Variants in TBXAS1 observed in about 807,000 individuals in gnomAD.
TBXAS1 encodes thromboxane A synthase 1, also known as thromboxane-A synthase.
TBXAS1 carries 48 observed loss-of-function variants against 60.7 expected under a neutral mutation model. The ratio of observed to expected loss-of-function variants is 0.79; its 90% CI spans 0.63 to 1.01. The LOEUF is 1.01. Ranked by LOEUF, TBXAS1 falls within the 50% of genes least tolerant of loss-of-function variation. The probability of loss-of-function intolerance (pLI) is 0.00; values close to 1 mark genes in which losing one functional copy is unlikely to be tolerated. For synonymous variants in TBXAS1, 287 were observed against 269.7 expected (o/e 1.06, Z -0.63); for missense variants, 685 against 686.3 (o/e 1.00, Z 0.02).
intron 4 of TBXAS1, among the ~76,000 whole-genome samples, chr7:139,800,364 G>A (rs778618207): frequency 6.6e-6 from 1 of 151,916 alleles, no homozygotes; most frequent in Non-Finnish European, 1.5e-5. Context: ...ATCTCAGCAC[G>A]TTTCCACCTC....
chr7:139,987,541 C>T (rs563213630), intron 9 of TBXAS1, among the ~76,000 whole-genome samples: 45 of 152,286 alleles, frequency 3.0e-4, no homozygotes, highest in South Asian at 1.0e-3. Context: ...TGCAGGAGCA[C>T]GCAGGACTAA....
chr7:139,824,493 C>T (rs959037057), upstream of TBXAS1, among the ~76,000 whole-genome samples: 1 of 152,208 alleles, frequency 6.6e-6, no homozygotes, highest in Non-Finnish European at 1.5e-5. Context: ...TTGGAAACAA[C>T]TCGAATGCTG....
intron 9 of TBXAS1, among the ~76,000 whole-genome samples, chr7:139,972,895 A>G (rs1208225707): frequency 1.3e-5 from 2 of 151,822 alleles, no homozygotes; most frequent in African/African-American, 4.8e-5. Context: ...AAGTTATTTC[A>G]CTCTTCCTTT....
At chr7:139,991,943 T>C (rs1331479607) in intron 9 of TBXAS1, among the ~76,000 whole-genome samples, 1 of 152,192 alleles carries the variant, frequency 6.6e-6, no homozygotes, top group Admixed American at 6.5e-5. Context: ...CCCTTCCCAT[T>C]CCCTGAGAGA....
chr7:139,941,085 C>A (rs200639320), intron 5 of TBXAS1, among the ~76,000 whole-genome samples: 1 of 152,206 alleles, frequency 6.6e-6, no homozygotes, highest in South Asian at 2.1e-4. Flanking sequence ...CACAGATACT[C>A]GGCTGTGGGT....
At chr7:139,832,409 A>G (rs1798768719) in intron 1 of TBXAS1, among the ~76,000 whole-genome samples, 1 of 75,472 alleles carries the variant, frequency 1.3e-5, no homozygotes, top group African/African-American at 1.3e-4. Flanking sequence ...CAACAAAGAC[A>G]AAGAAAAAAA....
intron 5 of TBXAS1, among the ~76,000 whole-genome samples, chr7:139,941,015 T>G (rs1273669171): frequency 6.6e-6 from 1 of 151,980 alleles, no homozygotes; most frequent in Non-Finnish European, 1.5e-5. Flanking sequence ...ATACAAAAAG[T>G]CACAGACACA....
intron 3 of TBXAS1, among the ~76,000 whole-genome samples, chr7:139,902,448 C>G (rs936221348): frequency 2.0e-5 from 3 of 152,078 alleles, no homozygotes; most frequent in Non-Finnish European, 4.4e-5. Context: ...ATAGCTTGTT[C>G]TTTTTTAAAT....
At chr7:139,817,584 A>T (rs1798183773) in intron 4 of TBXAS1, among the ~76,000 whole-genome samples, 3 of 152,190 alleles carry the variant, frequency 2.0e-5, no homozygotes. Context: ...GGGTGTCCAG[A>T]GGACGCAGCT....
chr7:140,001,850 C>T (rs1813695484), intron 9 of TBXAS1, among the ~76,000 whole-genome samples: 1 of 152,186 alleles, frequency 6.6e-6, no homozygotes, highest in African/African-American at 2.4e-5. Context: ...TGAACAAGGC[C>T]ATCCACTTTT....
intron 3 of TBXAS1, among the ~76,000 whole-genome samples, chr7:139,902,783 T>C (rs943643890): frequency 6.6e-6 from 1 of 152,176 alleles, no homozygotes; most frequent in Non-Finnish European, 1.5e-5. Flanking sequence ...ACTATTCTTT[T>C]AAAATTTTAG....
chr7:139,898,599 C>T (rs1433228559), intron 3 of TBXAS1, among the ~76,000 whole-genome samples: 1 of 152,026 alleles, frequency 6.6e-6, no homozygotes, highest in Non-Finnish European at 1.5e-5. Flanking sequence ...GCGTGAGCCA[C>T]TACGCCCGGC....
intron 4 of TBXAS1, among the ~76,000 whole-genome samples, chr7:139,812,565 G>T (rs1367556039): frequency 6.6e-6 from 1 of 152,170 alleles, no homozygotes; most frequent in African/African-American, 2.4e-5. Context: ...CCTAATTAAA[G>T]ACAGTACTCT....
chr7:139,913,503 C>T (rs1408889548), intron 4 of TBXAS1: 1 of 263,424 alleles, frequency 3.8e-6, no homozygotes, highest in African/African-American at 2.1e-5. Flanking sequence ...CATATTTCCT[C>T]CCATGATACC....
At chr7:139,802,884 A>G (rs1797757383) in intron 4 of TBXAS1, among the ~76,000 whole-genome samples, 1 of 152,196 alleles carries the variant, frequency 6.6e-6, no homozygotes, top group South Asian at 2.1e-4. Flanking sequence ...CTGCCATGTA[A>G]GATGTGCTCC....
At chr7:139,840,014 T>G (rs1585598967) in intron 1 of TBXAS1, among the ~76,000 whole-genome samples, 1 of 148,964 alleles carries the variant, frequency 6.7e-6, no homozygotes, top group East Asian at 2.0e-4. Flanking sequence ...AGATTTCAGA[T>G]AGAGAGTGAG....
At chr7:139,847,047 A>AC (rs1222759506) in intron 1 of TBXAS1, among the ~76,000 whole-genome samples, 1 of 152,004 alleles carries the variant, frequency 6.6e-6, no homozygotes, top group Non-Finnish European at 1.5e-5. Flanking sequence ...TGAGCAATAA[A>AC]CCTTACACCA....
intron 3 of TBXAS1, among the ~76,000 whole-genome samples, chr7:139,786,476 G>A (rs896289890): frequency 6.6e-6 from 1 of 152,188 alleles, no homozygotes; most frequent in African/African-American, 2.4e-5. Flanking sequence ...AAGTTTCACA[G>A]ATAGACCTTT....
chr7:140,010,320 T>A (rs1308352152), intron 10 of TBXAS1, among the ~76,000 whole-genome samples: 1 of 152,178 alleles, frequency 6.6e-6, no homozygotes, highest in African/African-American at 2.4e-5. Flanking sequence ...TGTTGACTTT[T>A]CCCAAGTGCT....
Sources: gnomAD v4.1 joint callset for allele counts (sites outside exome capture counted in the v4.1 genomes callset) on GRCh38, gnomAD v4.1.1 for gene constraint, MANE v1.5 for transcripts, NCBI Gene and HGNC (gene_info 2026-07-23, HGNC 2026-07-21) for gene names.